RBFOX1: variants seen among roughly 807,000 people sequenced by gnomAD.
RBFOX1 encodes RNA binding protein fox-1 homolog 1.
In RBFOX1, 8 loss-of-function variants were observed where a neutral mutation model predicts 57.7. That is an observed-to-expected ratio of 0.14 (90% CI 0.08 to 0.25). The LOEUF (loss-of-function observed/expected upper bound fraction) is 0.25. Among genes scored for constraint, RBFOX1 ranks in the 10% least tolerant of loss-of-function variants. RBFOX1 has a pLI of 1.00. For missense variants in RBFOX1, 611 were observed against 548.5 expected (o/e 1.11, Z -1.14); for synonymous variants, 326 against 222.4 (o/e 1.47, Z -4.15).
intron 4 of RBFOX1, among the ~76,000 whole-genome samples, chr16:6,013,830 G>T (rs1470283004): frequency 6.6e-6 from 1 of 151,976 alleles, no homozygotes; most frequent in African/African-American, 2.4e-5. Flanking sequence ...GATGAAGCTG[G>T]AAACCATCAT....
chr16:6,991,644 C>G (rs2091473529), intron 3 of RBFOX1, among the ~76,000 whole-genome samples: 2 of 152,124 alleles, frequency 1.3e-5, no homozygotes, highest in Non-Finnish European at 2.9e-5. Context: ...TCAAGCCATC[C>G]TCCTACCTCA....
chr16:6,661,586 C>A (rs2098701929), intron 3 of RBFOX1, among the ~76,000 whole-genome samples: 1 of 152,120 alleles, frequency 6.6e-6, no homozygotes, highest in Non-Finnish European at 1.5e-5. Context: ...ATGAAGAACC[C>A]AGCCAAAGTG....
At chr16:7,086,839 A>G (rs2060068072) in intron 4 of RBFOX1, among the ~76,000 whole-genome samples, 1 of 152,080 alleles carries the variant, frequency 6.6e-6, no homozygotes, top group South Asian at 2.1e-4. Flanking sequence ...GAAGCTTTCC[A>G]TTTGCTGGGC....
intron 2 of RBFOX1, among the ~76,000 whole-genome samples, chr16:5,547,811 T>A (rs1006670997): frequency 9.2e-5 from 14 of 152,048 alleles, no homozygotes; most frequent in Admixed American, 1.3e-4. Flanking sequence ...AACCAAATAC[T>A]ACATGTGCTC....
At chr16:7,136,552 G>C (rs896529917) in intron 4 of RBFOX1, among the ~76,000 whole-genome samples, 5 of 151,878 alleles carry the variant, frequency 3.3e-5, no homozygotes, top group African/African-American at 1.2e-4. Context: ...GATTACAGGT[G>C]CACGCCACCA....
At chr16:5,529,043 C>T (rs538951262) in intron 2 of RBFOX1, among the ~76,000 whole-genome samples, 31 of 152,174 alleles carry the variant, frequency 2.0e-4, no homozygotes, top group Middle Eastern at 3.4e-3. Flanking sequence ...CTTGGACCTC[C>T]TGCTTGTGCC....
At chr16:7,109,568 T>A (rs1444276960) in intron 4 of RBFOX1, among the ~76,000 whole-genome samples, 1 of 151,980 alleles carries the variant, frequency 6.6e-6, no homozygotes, top group Non-Finnish European at 1.5e-5. Flanking sequence ...AAGCTGCAAA[T>A]GATGATGGTA....
At chr16:7,218,786 A>C (rs2092479561) in intron 4 of RBFOX1, among the ~76,000 whole-genome samples, 1 of 150,892 alleles carries the variant, frequency 6.6e-6, no homozygotes, top group African/African-American at 2.4e-5. Context: ...TTTCTCTTCT[A>C]CTGCACGATG....
intron 2 of RBFOX1, among the ~76,000 whole-genome samples, chr16:6,505,886 C>T (rs1044790581): frequency 5.9e-5 from 9 of 152,052 alleles, no homozygotes; most frequent in Admixed American, 2.0e-4. Flanking sequence ...AAACAATGGG[C>T]GAAAGTGACA....
At chr16:5,923,507 G>T (rs895118338) in intron 4 of RBFOX1, among the ~76,000 whole-genome samples, 1 of 146,800 alleles carries the variant, frequency 6.8e-6, no homozygotes, top group African/African-American at 2.5e-5. Flanking sequence ...TTCAGACCTA[G>T]ATCATCTGTC....
chr16:6,114,003 G>T (rs2096472743), intron 1 of RBFOX1, among the ~76,000 whole-genome samples: 1 of 151,910 alleles, frequency 6.6e-6, no homozygotes, highest in Admixed American at 6.6e-5. Flanking sequence ...TTAGGACTAA[G>T]CATGACTATT....
intron 3 of RBFOX1, among the ~76,000 whole-genome samples, chr16:5,805,054 T>A (rs1024570269): frequency 6.6e-6 from 1 of 151,968 alleles, no homozygotes; most frequent in South Asian, 2.1e-4. Context: ...TTGGGGAGCA[T>A]TGAGTTGTTT....
At chr16:5,810,393 C>T (rs1455216961) in intron 3 of RBFOX1, among the ~76,000 whole-genome samples, 1 of 152,072 alleles carries the variant, frequency 6.6e-6, no homozygotes, top group Non-Finnish European at 1.5e-5. Flanking sequence ...CAGAATAAAC[C>T]AATCTTGCTG....
chr16:6,320,736 C>G (rs907244099), intron 2 of RBFOX1, among the ~76,000 whole-genome samples: 11 of 151,878 alleles, frequency 7.2e-5, no homozygotes, highest in African/African-American at 2.4e-4. Context: ...CACCTGAAAA[C>G]TAACTGAAAA....
intron 3 of RBFOX1, among the ~76,000 whole-genome samples, chr16:7,000,253 C>T (rs1420966448): frequency 6.6e-6 from 1 of 151,982 alleles, no homozygotes; most frequent in Admixed American, 6.6e-5. Context: ...TATCATTGTT[C>T]AAGTCTACCT....
intron 2 of RBFOX1, among the ~76,000 whole-genome samples, chr16:6,594,148 C>G (rs561508006): frequency 6.8e-4 from 104 of 152,248 alleles, no homozygotes; most frequent in Middle Eastern, 6.8e-3. Context: ...AGGAGCTTAG[C>G]AAGAATATAT....
chr16:6,935,897 A>G (rs115759537), intron 3 of RBFOX1, among the ~76,000 whole-genome samples: 3 of 152,100 alleles, frequency 2.0e-5, no homozygotes, highest in African/African-American at 7.2e-5. Context: ...ATCGGTTGCT[A>G]ATGGAACCCT....
At chr16:6,329,680 C>G (rs1052876023) in intron 2 of RBFOX1, among the ~76,000 whole-genome samples, 11 of 152,154 alleles carry the variant, frequency 7.2e-5, no homozygotes, top group African/African-American at 2.7e-4. Flanking sequence ...GCCTGTAATC[C>G]CAGCACTTTG....
chr16:7,513,429 C>G (rs6500977), intron 4 of RBFOX1, among the ~76,000 whole-genome samples: 141,134 of 152,186 alleles, frequency 0.93, 65,830 homozygotes, highest in Middle Eastern at 0.98. Context: ...CTTTGGTCTG[C>G]AGCATCTTTG....
Sources: allele counts gnomAD v4.1 joint callset (sites outside exome capture counted in the v4.1 genomes callset), GRCh38; gene constraint gnomAD v4.1.1; transcripts MANE v1.5; gene names NCBI Gene and HGNC (gene_info 2026-07-23, HGNC 2026-07-21).